GPR75: variants seen among roughly 807,000 people sequenced by gnomAD.
GPR75 encodes G protein-coupled receptor 75, also known as probable G protein-coupled receptor 75.
GPR75 carries 27 observed loss-of-function variants against 26.0 expected under a neutral mutation model. The observed-to-expected ratio is 1.04, with a 90% CI of 0.77 to 1.43. The LOEUF is 1.43. Among genes scored for constraint, GPR75 ranks in the 40% most tolerant of loss-of-function variants. GPR75 has a pLI of 0.00. For missense variants in GPR75, 699 were observed against 662.3 expected, an observed-to-expected ratio of 1.06 and a Z score of -0.61; for synonymous variants, 285 against 256.3, an observed-to-expected ratio of 1.11 and a Z score of -1.07.
rs1558628221 is a variant in GPR75, at chr2:53,853,256, G to GT, written c.1500dup (p.Gln501ThrfsTer21). ...GCAAATCCAAAAGAGTTTACTGGCT[G>GT]TAAGTTACATGGGCTGCTCTCCTCC... On this transcript the variant is annotated frameshift_variant, in exon 2 of 2. Coordinates refer to ENST00000394705, the MANE Select transcript of GPR75 (RefSeq NM_006794.4). LOFTEE classifies it low-confidence loss of function (END_TRUNC). 6.2e-7 allele frequency: 1 copy of GT among 1,614,166 alleles called. No homozygotes were observed. The highest frequency in any genetic ancestry group is 2.2e-5 in the East Asian group (1 of 44,888).
chr2:53,853,172 T>C lies in GPR75; in HGVS notation c.1585A>G (p.Ser529Gly), dbSNP rs760250772. The change falls in exon 2 of 2, where the codon AGC (serine) becomes GGC (glycine). Residue 529 changes from serine to glycine, a missense_variant. Coordinates refer to ENST00000394705, the MANE Select transcript of GPR75 (RefSeq NM_006794.4). ...TTNDLVQEYD[S>G]TSAKQIPVPS... ...ACTGGAATCTGCTTGGCTGAAGTGC[T>C]GTCATATTCCTGCACTAAGTCATTA... 1.2e-6 allele frequency: 2 copies of C among 1,613,818 alleles called. No individual in the cohort carries two copies. Among genetic ancestry groups the C allele is most frequent in the Non-Finnish European group, 1.7e-6 (2 of 1,179,670 alleles).
At chr2:53,859,695 C>T in intron 1 of GPR75, 133 bp downstream of exon 1, 1 of 642,706 alleles carries the variant, frequency 1.6e-6, no homozygotes, top group Non-Finnish European at 2.5e-6. Flanking sequence ...ACCCTGCAGG[C>T]CGCACCAGGA....
chr2:53,853,163 C>T lies in GPR75; in HGVS notation c.1594G>A (p.Ala532Thr). The T allele has an allele frequency of 6.2e-7, 1 of 1,613,770 alleles. No homozygotes were observed. The highest frequency in any genetic ancestry group is 8.5e-7 in the Non-Finnish European group (1 of 1,179,686). The change falls in exon 2 of 2, where the codon GCC becomes ACC. Residue 532 changes from alanine (A) to threonine (T), a missense_variant. Ala to Thr is a moderately conservative substitution (Grantham distance 58). Coordinates refer to ENST00000394705, the MANE Select transcript of GPR75 (RefSeq NM_006794.4). ...ACGGAGGGGACTGGAATCTGCTTGG[C>T]TGAAGTGCTGTCATATTCCTGCACT... ...DLVQEYDSTS[A>T]KQIPVPSV
intron 1 of GPR75, among the ~76,000 whole-genome samples, chr2:53,856,693 G>C (rs189647130): frequency 6.6e-6 from 1 of 152,292 alleles, no homozygotes; most frequent in East Asian, 1.9e-4. Context: ...CAAGGAAAAA[G>C]ATAACTTAAT....
At chr2:53,857,557 A>C (rs762708913) in intron 1 of GPR75, among the ~76,000 whole-genome samples, 1 of 152,098 alleles carries the variant, frequency 6.6e-6, no homozygotes, top group Non-Finnish European at 1.5e-5. Flanking sequence ...AAGCGGGATG[A>C]TGGAAGTTAT....
rs144824328 is a variant in GPR75, at chr2:53,854,416, G to C, written c.341C>G (p.Pro114Arg). The part of the protein sequence containing the change: ...VLFFSSASSI[P>R]DAFCFTFHLT... ...ATGGAAAGTGAAGCAGAAAGCATCCGGGATACTACTGGCTGAGCTGAAGAA... is the reference window on the plus strand; with the variant it reads ...ATGGAAAGTGAAGCAGAAAGCATCCCGGATACTACTGGCTGAGCTGAAGAA... The change falls in exon 2 of 2, where the codon CCG becomes CGG. Residue 114 changes from proline (P) to arginine (R), a missense_variant. Coordinates refer to ENST00000394705, the MANE Select transcript of GPR75 (RefSeq NM_006794.4). 6.2e-7 allele frequency: 1 copy of C among 1,614,058 alleles called. No individual in the cohort carries two copies. Among genetic ancestry groups the C allele is most frequent in the Admixed American group, 1.7e-5 (1 of 60,012 alleles).
Position 53,853,494 on chromosome 2 carries a change from T to A in GPR75, c.1263A>T (p.Lys421Asn). Residue 421 changes from lysine (K) to asparagine (N), a missense_variant, in exon 2 of 2, where the codon AAA becomes AAT. Physicochemically the swap from Lys to Asn is moderately conservative, Grantham distance 94. Coordinates refer to ENST00000394705, the MANE Select transcript of GPR75 (RefSeq NM_006794.4). The part of the protein sequence containing the change: ...GKGNLEVNRN[K>N]SSHHETNSAY... ...CAGAGTTTGTTTCATGATGGGAGGATTTGTTTCTGTTGACTTCGAGGTTCC... is the reference window on the plus strand; with the variant it reads ...CAGAGTTTGTTTCATGATGGGAGGAATTGTTTCTGTTGACTTCGAGGTTCC... 1 of 1,614,010 alleles carries A rather than the reference T, an allele frequency of 6.2e-7. No individual in the cohort carries two copies. The highest frequency in any genetic ancestry group is 8.5e-7 in the Non-Finnish European group (1 of 1,179,978).
Position 53,856,966 on chromosome 2 carries a change from T to TTTTTTTTTTC in GPR75, c.-109-2102_-109-2101insGAAAAAAAAA, listed in dbSNP as rs1553399612. ...AGACAATTTTTTTTTTTTTTTTTTT[T>TTTTTTTTTTC]TTTTTTTTGAGACGGAGTCTCGCTC... is the stretch of plus-strand genomic sequence containing the variant. On this transcript the variant is annotated intron_variant, in intron 1 of 1. Transcript: ENST00000394705. Among the ~76,000 whole-genome samples, 147 of 127,790 alleles carry TTTTTTTTTTC rather than the reference T, an allele frequency of 1.2e-3. 6 individuals are homozygous for TTTTTTTTTTC. Among genetic ancestry groups the TTTTTTTTTTC allele is most frequent in the South Asian group, 6.2e-3 (22 of 3,544 alleles). 83.8% of individuals were successfully genotyped at this position (127,790 alleles called of 152,430 possible).
chr2:53,855,266 A>G (rs1358977622), intron 1 of GPR75, among the ~76,000 whole-genome samples: 2 of 152,200 alleles, frequency 1.3e-5, no homozygotes, highest in Non-Finnish European at 2.9e-5. Flanking sequence ...TATGACACAG[A>G]GGTTTTCAAA....
rs1489979237 is a variant in GPR75 at position 53,857,550 on chromosome 2, C to T, written c.-110+2278G>A. On this transcript the variant is annotated intron_variant, in intron 1 of 1. Transcript: ENST00000394705. Reference sequence around the variant, plus strand: ...GAAAAGTAACTAGGTAATAATGAAGCGGGATGATGGAAGTTATGAAGACCT... The same window carrying T: ...GAAAAGTAACTAGGTAATAATGAAGTGGGATGATGGAAGTTATGAAGACCT... Among the ~76,000 whole-genome samples the T allele has an allele frequency of 6.6e-5, 10 of 151,690 alleles. No homozygotes were observed. In the South Asian group the frequency reaches 8.4e-4, roughly 13 times the overall value.
Position 53,853,951 on chromosome 2 carries a change from G to T in GPR75, c.806C>A (p.Pro269Gln). 6.2e-7 allele frequency: 1 copy of T among 1,613,958 alleles called. No individual in the cohort carries two copies. The highest frequency in any genetic ancestry group is 8.5e-7 in the Non-Finnish European group (1 of 1,179,958). ...GGGDPIQCAM[P>Q]ALYRNQNYNK... ...GTAATTCTGGTTCCTATACAGAGCC[G>T]GCATGGCACACTGGATGGGATCTCC... The change falls in exon 2 of 2, where the codon CCG becomes CAG. Residue 269 changes from proline to glutamine, a missense_variant. Physicochemically the swap from Pro to Gln is moderately conservative, Grantham distance 76. Coordinates refer to ENST00000394705, the MANE Select transcript of GPR75 (RefSeq NM_006794.4).
intron 1 of GPR75, among the ~76,000 whole-genome samples, chr2:53,859,609 G>T (rs888731951): frequency 6.6e-6 from 1 of 150,846 alleles, no homozygotes; most frequent in Non-Finnish European, 1.5e-5. Flanking sequence ...CCAGGGTAGG[G>T]GCGGTGGGTG....
Position 53,853,187 on chromosome 2 carries a change from C to G in GPR75, c.1570G>C (p.Val524Leu), listed in dbSNP as rs912445664. The G allele has an allele frequency of 1.3e-5, 21 of 1,613,928 alleles. No individual in the cohort carries two copies. The highest frequency in any genetic ancestry group is 1.8e-5 in the Non-Finnish European group (21 of 1,179,920). The stretch of plus-strand genomic sequence containing the variant: ...GCTGAAGTGCTGTCATATTCCTGCA[C>G]TAAGTCATTAGTGGTGTGATAATGC... Reference protein sequence around the residue: ...AMHYHTTNDLVQEYDSTSAKQ... With the variant: ...AMHYHTTNDLLQEYDSTSAKQ... The change falls in exon 2 of 2, where the codon GTG becomes CTG. Residue 524 changes from valine to leucine, a missense_variant. Transcript: ENST00000394705.
rs573386983 is a variant in GPR75 at position 53,854,060 on chromosome 2, C to A, written c.697G>T (p.Ala233Ser). 1 of 1,614,156 alleles carries A rather than the reference C, an allele frequency of 6.2e-7. No homozygotes were observed. The highest frequency in any genetic ancestry group is 8.5e-7 in the Non-Finnish European group (1 of 1,180,012). ...IMIAQTLRKN[A>S]QVRKCPPVIT... ...ACAGGGGGGCACTTTCTGACTTGAG[C>A]GTTCTTCCGCAGGGTCTGAGCAATC... Residue 233 changes from alanine (A) to serine (S), a missense_variant, in exon 2 of 2, where the codon GCT becomes TCT. Ala to Ser is a moderately conservative substitution (Grantham distance 99). Transcript: ENST00000394705.
At chr2:53,859,494 G>A (rs376553528) in intron 1 of GPR75, among the ~76,000 whole-genome samples, 25 of 152,236 alleles carry the variant, frequency 1.6e-4, no homozygotes, top group African/African-American at 5.3e-4. Flanking sequence ...GCGGTGGGTA[G>A]GGGCTTCCCG....
In GPR75 at chr2:53,859,849, G is replaced by A. The variant is rs893606982; in HGVS notation, c.-131C>T. On this transcript the variant is annotated 5_prime_UTR_variant, in exon 1 of 2. Coordinates refer to ENST00000394705, the MANE Select transcript of GPR75 (RefSeq NM_006794.4). ...TCACCTGCCGGGTGGCCGCAGCGCC[G>A]CCCCTCCTCCATCTCGCAGTCCGGA... 39 of 1,531,448 alleles carry A rather than the reference G, an allele frequency of 2.5e-5. No homozygotes were observed. In the Admixed American group the frequency reaches 6.9e-4, roughly 27 times the overall value. The allele number at this position is 1,531,448 out of a possible 1,614,324, so 94.9% of individuals were successfully genotyped here.
chr2:53,859,850 C>T lies in GPR75; in HGVS notation c.-132G>A. 1 of 1,533,256 alleles carries T rather than the reference C, an allele frequency of 6.5e-7. No homozygotes were observed. The highest frequency in any genetic ancestry group is 2.5e-5 in the East Asian group (1 of 40,424). The allele number at this position is 1,533,256 out of a possible 1,614,324, so 95.0% of individuals were successfully genotyped here. On this transcript the variant is annotated 5_prime_UTR_variant, in exon 1 of 2. Coordinates refer to ENST00000394705, the MANE Select transcript of GPR75 (RefSeq NM_006794.4). ...CACCTGCCGGGTGGCCGCAGCGCCG[C>T]CCCTCCTCCATCTCGCAGTCCGGAC... is the stretch of plus-strand genomic sequence containing the variant.
Position 53,859,918 on chromosome 2 carries a change from A to G in GPR75, c.-200T>C. On this transcript the variant is annotated 5_prime_UTR_variant, in exon 1 of 2. An upstream start codon of the reference 5' UTR is lost. Coordinates refer to ENST00000394705, the MANE Select transcript of GPR75 (RefSeq NM_006794.4). ...CTCTGGATGATGCAGGACTAGAGGC[A>G]TCATCGCCATCGCCACCGCCTCCGC... 4.0e-6 allele frequency: 6 copies of G among 1,508,276 alleles called. No homozygotes were observed. Among genetic ancestry groups the G allele is most frequent in the Non-Finnish European group, 4.4e-6 (5 of 1,133,732 alleles). The allele number at this position is 1,508,276 out of a possible 1,614,324, so 93.4% of individuals were successfully genotyped here. A position where few individuals can be genotyped will look rare whatever the true frequency, so the allele number is the denominator to read the frequency against.
chr2:53,853,724 C>G lies in GPR75; in HGVS notation c.1033G>C (p.Val345Leu). The G allele has an allele frequency of 6.2e-7, 1 of 1,613,948 alleles. No homozygotes were observed. Among genetic ancestry groups the G allele is most frequent in the Non-Finnish European group, 8.5e-7 (1 of 1,179,840 alleles). ...ATGAAGCTCCCATTGCTGGAGAGAA[C>G]CACCTGTACCAAGGAAATCCCCAGT... is the stretch of plus-strand genomic sequence containing the variant. ...LPLGISLVQVVLSSNGSFILY... is the reference protein window; with the variant it reads ...LPLGISLVQVLLSSNGSFILY... The change falls in exon 2 of 2, where the codon GTT becomes CTT. Residue 345 changes from valine to leucine, a missense_variant. By Grantham distance (32) the Val-to-Leu change is conservative. Coordinates refer to ENST00000394705, the MANE Select transcript of GPR75 (RefSeq NM_006794.4).
Sources: gnomAD v4.1 joint callset for allele counts (sites outside exome capture counted in the v4.1 genomes callset) on GRCh38, gnomAD v4.1.1 for gene constraint, MANE v1.5 for transcripts, NCBI Gene and HGNC (gene_info 2026-07-23, HGNC 2026-07-21) for gene names.